Variants in DLGAP4 observed in about 807,000 individuals in gnomAD.
DLGAP4 encodes disks large-associated protein 4.
DLGAP4 carries 18 observed loss-of-function variants against 86.9 expected under a neutral mutation model. The ratio of observed to expected loss-of-function variants is 0.21; its 90% confidence interval spans 0.14 to 0.31. The LOEUF (loss-of-function observed/expected upper bound fraction) is 0.31, where lower values mean the gene tolerates loss of function less well. Ranked by LOEUF, DLGAP4 falls within the 10% of genes least tolerant of loss-of-function variation. DLGAP4 has a pLI of 1.00. For synonymous variants in DLGAP4, 548 were observed against 574.3 expected (o/e 0.95, Z 0.65); for missense variants, 1,085 against 1,362.6 (o/e 0.80, Z 3.21).
intron 10 of DLGAP4, among the ~76,000 whole-genome samples, chr20:36,513,582 A>C (rs915767063): frequency 4.0e-5 from 6 of 150,988 alleles, no homozygotes; most frequent in African/African-American, 1.5e-4. Context: ...AAAAAAAAGA[A>C]TTAATCTGGC....
chr20:36,468,266 C>T (rs2034506204), intron 7 of DLGAP4, among the ~76,000 whole-genome samples: 1 of 152,226 alleles, frequency 6.6e-6, no homozygotes, highest in South Asian at 2.1e-4. Context: ...AATTCTCAGC[C>T]AGCCCCCACC....
intron 7 of DLGAP4, among the ~76,000 whole-genome samples, chr20:36,494,240 C>T (rs534226331): frequency 6.6e-6 from 1 of 152,254 alleles, no homozygotes; most frequent in Admixed American, 6.5e-5. Context: ...GGCCTCTGGA[C>T]TAGGCTGGGC....
At chr20:36,462,528 C>G in intron 7 of DLGAP4, 1 of 1,601,224 alleles carries the variant, frequency 6.2e-7, no homozygotes, top group Non-Finnish European at 8.5e-7. Flanking sequence ...CTTTTTCTGT[C>G]TTTGCCGGGT....
chr20:36,504,986 G>C (rs955070338), intron 10 of DLGAP4, among the ~76,000 whole-genome samples: 1 of 151,318 alleles, frequency 6.6e-6, no homozygotes, highest in Admixed American at 6.6e-5. Context: ...GATGCACACA[G>C]GTTCTTTTTT....
At chr20:36,388,996 G>A (rs992898088) in intron 2 of DLGAP4, among the ~76,000 whole-genome samples, 11 of 152,154 alleles carry the variant, frequency 7.2e-5, no homozygotes, top group African/African-American at 2.4e-4. Flanking sequence ...GAGGAGTCAG[G>A]GCCAAGTCCA....
chr20:36,527,260 A>G lies in DLGAP4; in HGVS notation c.*229A>G, dbSNP rs778373012. The G allele has an allele frequency of 2.2e-6, 1 of 460,358 alleles. No homozygotes were observed. Among genetic ancestry groups the G allele is most frequent in the Non-Finnish European group, 3.8e-6 (1 of 262,626 alleles). 28.5% of individuals were successfully genotyped at this position (460,358 alleles called of 1,614,324 possible). On this transcript the variant is annotated 3_prime_UTR_variant, in exon 13 of 13. Coordinates refer to ENST00000339266, the MANE Select transcript of DLGAP4 (RefSeq NM_001365621.2). ...AAAAATCAACAAAAATCACGAAACT[A>G]GAAAACTTTTTTTTTCCTCTTGCTG...
At chr20:36,458,968 C>T (rs927628225) in intron 7 of DLGAP4, among the ~76,000 whole-genome samples, 8 of 152,318 alleles carry the variant, frequency 5.3e-5, no homozygotes, top group Non-Finnish European at 1.0e-4. Context: ...ACAGCCAGGT[C>T]GCGTGGGGAC....
intron 2 of DLGAP4, among the ~76,000 whole-genome samples, chr20:36,373,613 A>G (rs977637930): frequency 4.6e-5 from 7 of 152,232 alleles, no homozygotes; most frequent in Non-Finnish European, 1.0e-4. Flanking sequence ...CCCCAGAAGT[A>G]GATGTAGGCT....
chr20:36,502,911 G>C (rs1373121296), intron 10 of DLGAP4, among the ~76,000 whole-genome samples: 1 of 152,090 alleles, frequency 6.6e-6, no homozygotes, highest in Non-Finnish European at 1.5e-5. Context: ...TTTTAGTAGA[G>C]ATGGGGTTTC....
intron 2 of DLGAP4, among the ~76,000 whole-genome samples, chr20:36,387,851 A>G (rs2031652167): frequency 6.6e-6 from 1 of 152,114 alleles, no homozygotes; most frequent in South Asian, 2.1e-4. Flanking sequence ...TGTTTCATTG[A>G]TCTCTTTGTC....
chr20:36,479,305 A>G (rs995024072), intron 7 of DLGAP4, among the ~76,000 whole-genome samples: 1 of 152,056 alleles, frequency 6.6e-6, no homozygotes, highest in African/African-American at 2.4e-5. Context: ...AGCCTGTGTC[A>G]TTTTTAGGGT....
intron 1 of DLGAP4, among the ~76,000 whole-genome samples, chr20:36,328,964 TG>T (rs1555891255): frequency 6.6e-6 from 1 of 152,128 alleles, no homozygotes; most frequent in Non-Finnish European, 1.5e-5. Flanking sequence ...TTAGTAGAGA[TG>T]GGGTGTCACC....
intron 1 of DLGAP4, among the ~76,000 whole-genome samples, chr20:36,312,344 C>T (rs975756636): frequency 5.9e-5 from 9 of 151,958 alleles, no homozygotes; most frequent in Non-Finnish European, 7.4e-5. Context: ...CACATGCACA[C>T]GCACACACAC....
chr20:36,395,551 T>G (rs557561344), intron 2 of DLGAP4, among the ~76,000 whole-genome samples: 13 of 152,174 alleles, frequency 8.5e-5, no homozygotes, highest in Non-Finnish European at 1.6e-4. Context: ...CAGGCTGGAG[T>G]GCAGTGGCGC....
At chr20:36,370,806 C>A (rs1161750657) in intron 2 of DLGAP4, among the ~76,000 whole-genome samples, 1 of 152,202 alleles carries the variant, frequency 6.6e-6, no homozygotes, top group Non-Finnish European at 1.5e-5. Context: ...GGCAACAGAG[C>A]AAGACCTTGT....
intron 10 of DLGAP4, among the ~76,000 whole-genome samples, chr20:36,523,473 A>G (rs182212942): frequency 6.6e-5 from 10 of 152,322 alleles, no homozygotes; most frequent in East Asian, 3.9e-4. Context: ...GGCATGTCCT[A>G]TCTGCTCTCA....
At chr20:36,374,018 C>T (rs1833270216) in intron 2 of DLGAP4, among the ~76,000 whole-genome samples, 1 of 116,302 alleles carries the variant, frequency 8.6e-6, no homozygotes, top group Non-Finnish European at 1.6e-5. Flanking sequence ...GCCTGGGTGA[C>T]AGTGAGACTG....
rs1443493000 is a variant in DLGAP4 at position 36,428,132 on chromosome 20, G to A, written c.-72-3514G>A. Among the ~76,000 whole-genome samples, 4 of 152,180 alleles carry A rather than the reference G, an allele frequency of 2.6e-5. No homozygotes were observed. The East Asian group carries it at 5.8e-4, about 22-fold the overall frequency. ...AAAAGGTGTTAGAATAAGAAAGTGT[G>A]CTGAACCCAGCTTTAGCAGGGGTGA... On this transcript the variant is annotated intron_variant, in intron 2 of 12. Transcript: ENST00000339266.
Position 36,432,123 on chromosome 20 carries a change from C to T in DLGAP4, c.406C>T (p.Pro136Ser). The T allele has an allele frequency of 1.9e-6, 3 of 1,614,212 alleles. No individual in the cohort carries two copies. Among genetic ancestry groups the T allele is most frequent in the African/African-American group, 1.3e-5 (1 of 75,080 alleles). Reference protein sequence around the residue: ...RGEAKARGESPGRIRHLVHSV... With the variant: ...RGEAKARGESSGRIRHLVHSV... ...CGAGGCCAAGGCCCGTGGTGAGAGC[C>T]CTGGCCGCATCCGCCACCTGGTCCA... Residue 136 changes from proline (P) to serine (S), a missense_variant, in exon 3 of 13, where the codon CCT (proline) becomes TCT (serine). Transcript: ENST00000339266. The surrounding 1 kb of genome is among the most constrained non-coding windows in gnomAD (Gnocchi z 6.5).
Sources: gnomAD v4.1 joint callset for allele counts (sites outside exome capture counted in the v4.1 genomes callset) on GRCh38, gnomAD v4.1.1 for gene constraint, Gnocchi (gnomAD v3.1) non-coding constraint, MANE v1.5 for transcripts, NCBI Gene and HGNC (gene_info 2026-07-23, HGNC 2026-07-21) for gene names.